Variants in GRM7 observed in about 807,000 individuals in gnomAD.
The protein encoded by GRM7 is metabotropic glutamate receptor 7.
A neutral mutation model predicts 84.5 loss-of-function variants in GRM7; 35 were observed. The observed-to-expected ratio is 0.41, with a 90% CI of 0.32 to 0.55. The LOEUF (loss-of-function observed/expected upper bound fraction) is 0.55, where lower values mean the gene tolerates loss of function less well. Among genes scored for constraint, GRM7 ranks in the 20% least tolerant of loss-of-function variants. The pLI, the probability that GRM7 is intolerant of heterozygous loss-of-function variation, is 0.19. For synonymous variants in GRM7, 487 were observed against 455.1 expected, an observed-to-expected ratio of 1.07 and a Z score of -0.89; for missense variants, 1,003 against 1,194.6, an observed-to-expected ratio of 0.84 and a Z score of 2.36.
intron 2 of GRM7, among the ~76,000 whole-genome samples, chr3:7,291,355 C>G (rs1699613467): frequency 1.3e-5 from 2 of 152,100 alleles, no homozygotes; most frequent in Admixed American, 6.6e-5. Flanking sequence ...ATCAGGGACT[C>G]TGGTTCTCTC....
intron 1 of GRM7, among the ~76,000 whole-genome samples, chr3:6,958,116 C>G (rs575991017): frequency 6.6e-6 from 1 of 151,862 alleles, no homozygotes; most frequent in South Asian, 2.1e-4. Context: ...TACCCACTAG[C>G]CATCATCGTA....
At chr3:7,636,569 T>C (rs1181493827) in intron 8 of GRM7, 1 of 167,200 alleles carries the variant, frequency 6.0e-6, no homozygotes, top group East Asian at 1.6e-4. Context: ...TTCCTATAAA[T>C]CTTATTCAAG....
At chr3:6,968,400 C>T (rs191865423) in intron 1 of GRM7, among the ~76,000 whole-genome samples, 15 of 152,230 alleles carry the variant, frequency 9.9e-5, no homozygotes, top group African/African-American at 3.6e-4. Flanking sequence ...AGGTCGTATT[C>T]TGAGATATTG....
At chr3:6,919,917 G>C (rs995941219) in intron 1 of GRM7, among the ~76,000 whole-genome samples, 1 of 152,096 alleles carries the variant, frequency 6.6e-6, no homozygotes, top group Admixed American at 6.6e-5. Context: ...TAAAACTAGA[G>C]GTGAAGCTTA....
At chr3:7,004,900 G>T (rs766909691) in intron 1 of GRM7, among the ~76,000 whole-genome samples, 3 of 152,144 alleles carry the variant, frequency 2.0e-5, no homozygotes, top group Non-Finnish European at 4.4e-5. Context: ...CAGACAACAG[G>T]CAGGCAAATC....
intron 7 of GRM7, among the ~76,000 whole-genome samples, chr3:7,499,136 G>A (rs1346308598): frequency 6.6e-6 from 1 of 152,120 alleles, no homozygotes; most frequent in African/African-American, 2.4e-5. Context: ...TGGGAAGAAC[G>A]GGGATGCCTT....
intron 8 of GRM7, among the ~76,000 whole-genome samples, chr3:7,586,720 AGT>A (rs1695537354): frequency 6.6e-6 from 1 of 152,116 alleles, no homozygotes; most frequent in African/African-American, 2.4e-5. Context: ...AGGCACGAGA[AGT>A]GCTTGAACCC....
At chr3:7,069,061 A>T (rs1011199432) in intron 1 of GRM7, among the ~76,000 whole-genome samples, 28 of 149,892 alleles carry the variant, frequency 1.9e-4, no homozygotes, top group African/African-American at 5.6e-4. Flanking sequence ...ACATAATTTT[A>T]TATATATATA....
intron 7 of GRM7, among the ~76,000 whole-genome samples, chr3:7,532,333 T>C (rs1701070388): frequency 6.6e-6 from 1 of 152,202 alleles, no homozygotes. Context: ...TTCAACTTCT[T>C]CCTGGTTTAG....
In GRM7 at chr3:7,591,471, T is replaced by C. The variant is rs865942982; in HGVS notation, c.2451+12114T>C. 3.6e-5 allele frequency: 16 copies of C among 446,896 alleles called. No homozygotes were observed. In the Middle Eastern group the frequency reaches 3.3e-3, roughly 92 times the overall value. 27.7% of individuals were successfully genotyped at this position (446,896 alleles called of 1,614,324 possible). On this transcript the variant is annotated intron_variant, in intron 8 of 9. Coordinates refer to ENST00000357716, the MANE Select transcript of GRM7 (RefSeq NM_000844.4). ...TCTTTTAAGAAGGGTAGTTTTATGC[T>C]GTATATCAAAAGCTTTTAGAATATG...
intron 7 of GRM7, among the ~76,000 whole-genome samples, chr3:7,563,411 G>A (rs967568149): frequency 3.6e-4 from 54 of 152,060 alleles, no homozygotes; most frequent in Admixed American, 2.9e-3. Flanking sequence ...CAGCTCTGTA[G>A]GAGATTAAAC....
intron 1 of GRM7, among the ~76,000 whole-genome samples, chr3:6,954,789 G>C (rs1185429012): frequency 6.6e-6 from 1 of 152,218 alleles, no homozygotes; most frequent in Non-Finnish European, 1.5e-5. Context: ...GTACTTAGCA[G>C]AGAAGATGGT....
chr3:7,598,590 G>A (rs774853156), intron 8 of GRM7, among the ~76,000 whole-genome samples: 1 of 152,274 alleles, frequency 6.6e-6, no homozygotes, highest in African/African-American at 2.4e-5. Flanking sequence ...GGGTCTTGAA[G>A]TTGTCCTTTA....
At chr3:7,100,026 T>C (rs911651131) in intron 1 of GRM7, among the ~76,000 whole-genome samples, 1 of 149,088 alleles carries the variant, frequency 6.7e-6, no homozygotes, top group African/African-American at 2.4e-5. Context: ...GTAATATACA[T>C]ATATATGCAT....
intron 2 of GRM7, among the ~76,000 whole-genome samples, chr3:7,272,183 G>C (rs1421500863): frequency 6.6e-6 from 1 of 151,680 alleles, no homozygotes; most frequent in African/African-American, 2.4e-5. Context: ...CCTTCTTTAT[G>C]TCATGTTCTT....
chr3:7,731,434 T>C (rs1702328386), intron 9 of GRM7, among the ~76,000 whole-genome samples: 1 of 152,232 alleles, frequency 6.6e-6, no homozygotes, highest in Non-Finnish European at 1.5e-5. Context: ...GCAAAAGTTA[T>C]ATCAGTGAGA....
intron 1 of GRM7, among the ~76,000 whole-genome samples, chr3:6,934,576 T>C (rs911184349): frequency 6.6e-6 from 1 of 152,170 alleles, no homozygotes; most frequent in Non-Finnish European, 1.5e-5. Context: ...TAGGAGGGTA[T>C]AACTGCATAT....
At chr3:7,547,194 C>CTTTTTTTTTTT (rs55678792) in intron 7 of GRM7, among the ~76,000 whole-genome samples, 3 of 76,426 alleles carry the variant, frequency 3.9e-5, no homozygotes, top group African/African-American at 1.7e-4. Context: ...AGAGTGAATT[C>CTTTTTTTTTTT]TTTTTTTTTT....
intron 1 of GRM7, among the ~76,000 whole-genome samples, chr3:7,051,446 GA>G (rs940573527): frequency 6.6e-6 from 1 of 151,768 alleles, no homozygotes; most frequent in African/African-American, 2.4e-5. Flanking sequence ...GGCAGTCTAT[GA>G]GAACCATCAC....
Sources: gnomAD v4.1 joint callset for allele counts (sites outside exome capture counted in the v4.1 genomes callset) on GRCh38, gnomAD v4.1.1 for gene constraint, MANE v1.5 for transcripts, NCBI Gene and HGNC (gene_info 2026-07-23, HGNC 2026-07-21) for gene names.